Variants in PDE10A observed in about 807,000 individuals in gnomAD.
PDE10A encodes the protein cAMP and cAMP-inhibited cGMP 3',5'-cyclic phosphodiesterase 10A.
In PDE10A, 39 loss-of-function variants were observed where a neutral mutation model predicts 97.7. That is an observed-to-expected ratio of 0.40 (90% confidence interval 0.31 to 0.52). The LOEUF (loss-of-function observed/expected upper bound fraction) is 0.52. Ranked by LOEUF, PDE10A falls within the 20% of genes least tolerant of loss-of-function variation. PDE10A has a pLI of 0.56. For missense variants in PDE10A, 731 were observed against 1,047.8 expected (o/e 0.70, Z 4.17); for synonymous variants, 371 against 376.8 (o/e 0.98, Z 0.18).
chr6:165,605,000 C>T (rs1787140592), intron 1 of PDE10A, among the ~76,000 whole-genome samples: 1 of 152,220 alleles, frequency 6.6e-6, no homozygotes, highest in Non-Finnish European at 1.5e-5. Flanking sequence ...CCTCCAGTCA[C>T]CACATTAGAA....
At chr6:165,901,363 A>G (rs926475302) in intron 1 of PDE10A, among the ~76,000 whole-genome samples, 2 of 152,220 alleles carry the variant, frequency 1.3e-5, no homozygotes, top group Non-Finnish European at 1.5e-5. Flanking sequence ...AGTATTAAAA[A>G]TGACCATTCT....
intron 1 of PDE10A, among the ~76,000 whole-genome samples, chr6:165,797,848 G>A (rs936134268): frequency 1.3e-5 from 2 of 152,132 alleles, no homozygotes; most frequent in Non-Finnish European, 2.9e-5. Flanking sequence ...GAACAGAAAT[G>A]TACTAAAAGG....
chr6:165,656,240 T>A (rs1789951489), intron 1 of PDE10A, among the ~76,000 whole-genome samples: 2 of 100,420 alleles, frequency 2.0e-5, no homozygotes, highest in African/African-American at 4.0e-5. Flanking sequence ...ACCCCAACTC[T>A]CTCTCTCTCT....
chr6:165,899,467 C>A (rs1159489242), intron 1 of PDE10A, among the ~76,000 whole-genome samples: 1 of 152,142 alleles, frequency 6.6e-6, no homozygotes, highest in Non-Finnish European at 1.5e-5. Flanking sequence ...CTGGGATGTA[C>A]AGTGGTGAAT....
intron 18 of PDE10A, among the ~76,000 whole-genome samples, chr6:165,361,875 T>A (rs1286727108): frequency 2.0e-5 from 3 of 152,216 alleles, no homozygotes; most frequent in Non-Finnish European, 4.4e-5. Context: ...AAATTTCTAT[T>A]GTTTTAAGCC....
chr6:165,543,632 A>G (rs943801616), intron 1 of PDE10A, 64 bp from the exon 2 acceptor site: 47 of 1,320,970 alleles, frequency 3.6e-5, no homozygotes, highest in Non-Finnish European at 4.9e-5. Flanking sequence ...TGAAAGGTAT[A>G]GTATCACAAC....
At chr6:165,378,191 T>G (rs1307904117) in intron 18 of PDE10A, among the ~76,000 whole-genome samples, 1 of 152,232 alleles carries the variant, frequency 6.6e-6, no homozygotes, top group East Asian at 1.9e-4. Context: ...TTGGTGTACC[T>G]GAGAGAATAG....
chr6:165,593,877 G>T (rs1283709228), intron 1 of PDE10A, among the ~76,000 whole-genome samples: 11 of 152,116 alleles, frequency 7.2e-5, no homozygotes, highest in African/African-American at 2.7e-4. Flanking sequence ...TAGTACACAA[G>T]ATAAATTATT....
At chr6:165,446,140 G>A (rs1033581228) in intron 5 of PDE10A, among the ~76,000 whole-genome samples, 2 of 152,182 alleles carry the variant, frequency 1.3e-5, no homozygotes, top group African/African-American at 4.8e-5. Context: ...CTTTATTTTA[G>A]TCAATATTCA....
chr6:165,381,242 T>C (rs2128208078), intron 17 of PDE10A, among the ~76,000 whole-genome samples: 1 of 152,352 alleles, frequency 6.6e-6, no homozygotes, highest in African/African-American at 2.4e-5. Context: ...TGTAAGCTCA[T>C]GTTTTTATCA....
chr6:165,636,012 A>C (rs1436789347), intron 1 of PDE10A, among the ~76,000 whole-genome samples: 1 of 152,244 alleles, frequency 6.6e-6, no homozygotes, highest in African/African-American at 2.4e-5. Flanking sequence ...ATTTTACTGT[A>C]ATAGGAGCCA....
Position 165,671,782 on chromosome 6 carries a change from C to G in PDE10A, c.-614-128214G>C, listed in dbSNP as rs1386651690. 2.0e-5 allele frequency among the ~76,000 whole-genome samples: 3 copies of G among 152,054 alleles called. No homozygotes were observed. Among genetic ancestry groups the G allele is most frequent in the Non-Finnish European group, 4.4e-5 (3 of 68,006 alleles). ...ATATACAGTGTGTGTGTGCTTTATT[C>G]TCTAAGGCAGGATGTTTATATTCAG... On this transcript the variant is annotated intron_variant, in intron 1 of 19. Coordinates refer to the PDE10A transcript ENST00000366882. The surrounding 1 kb of genome is among the most constrained non-coding windows in gnomAD (Gnocchi z 4.6).
At chr6:165,502,219 C>T (rs1023587435) in intron 2 of PDE10A, among the ~76,000 whole-genome samples, 1 of 152,108 alleles carries the variant, frequency 6.6e-6, no homozygotes, top group African/African-American at 2.4e-5. Context: ...TGATTTCCTA[C>T]AGTAGACATA....
intron 1 of PDE10A, among the ~76,000 whole-genome samples, chr6:165,816,405 C>A (rs1261682195): frequency 6.6e-6 from 1 of 152,214 alleles, no homozygotes; most frequent in Admixed American, 6.5e-5. Context: ...GGGACTGATG[C>A]AGTCTCTGGG....
At chr6:165,780,498 G>A (rs896268059) in intron 1 of PDE10A, 2 of 152,168 alleles carry the variant, frequency 1.3e-5, no homozygotes, top group African/African-American at 2.4e-5. Flanking sequence ...CCATGCAGAC[G>A]ACCAACAGAT....
At chr6:165,383,039 C>T (rs1785035194) in intron 17 of PDE10A, among the ~76,000 whole-genome samples, 1 of 152,004 alleles carries the variant, frequency 6.6e-6, no homozygotes, top group South Asian at 2.1e-4. Context: ...AGCTAAGTAA[C>T]AGAAATAGTG....
chr6:165,728,401 G>A (rs1792349471), intron 1 of PDE10A, among the ~76,000 whole-genome samples: 1 of 152,206 alleles, frequency 6.6e-6, no homozygotes, highest in African/African-American at 2.4e-5. Flanking sequence ...CTGGTGCATG[G>A]CACTGATCCA....
chr6:165,338,136 G>C (rs1379573604), intron 20 of PDE10A, among the ~76,000 whole-genome samples: 1 of 152,172 alleles, frequency 6.6e-6, no homozygotes, highest in Middle Eastern at 3.2e-3. Context: ...CTAATCAAGA[G>C]GGAAAAGTGA....
At chr6:165,923,475 G>T (rs1782817267) in intron 1 of PDE10A, among the ~76,000 whole-genome samples, 1 of 152,176 alleles carries the variant, frequency 6.6e-6, no homozygotes, top group African/African-American at 2.4e-5. Context: ...CCAATATTTT[G>T]GGACAGGGCC....
Sources: gnomAD v4.1 joint callset for allele counts (sites outside exome capture counted in the v4.1 genomes callset) on GRCh38, gnomAD v4.1.1 for gene constraint, Gnocchi (gnomAD v3.1) non-coding constraint, MANE v1.5 for transcripts, NCBI Gene and HGNC (gene_info 2026-07-23, HGNC 2026-07-21) for gene names.